Variants in RGS11 observed in about 807,000 individuals in gnomAD.
The protein encoded by RGS11 is regulator of G protein signaling 11.
RGS11 carries 86 observed loss-of-function variants against 71.1 expected under a neutral mutation model. The ratio of observed to expected loss-of-function variants is 1.21; its 90% confidence interval spans 1.02 to 1.45. The LOEUF (loss-of-function observed/expected upper bound fraction) is 1.45. RGS11 is among the 40% of genes most tolerant of loss of function. RGS11 has a pLI of 0.00. For missense variants in RGS11, 734 were observed against 635.1 expected (o/e 1.16, Z -1.67); for synonymous variants, 298 against 254.2 (o/e 1.17, Z -1.64).
chr16:273,666 G>C (rs928038203), intron 7 of RGS11, 94 bp downstream of exon 7: 2 of 1,517,082 alleles, frequency 1.3e-6, no homozygotes, highest in Non-Finnish European at 1.8e-6. Context: ...TGCCCTCCAC[G>C]GTCCCAGGGC....
chr16:270,175 G>C (rs2141402925), intron 15 of RGS11, among the ~76,000 whole-genome samples: 1 of 152,274 alleles, frequency 6.6e-6, no homozygotes, highest in Admixed American at 6.5e-5. Flanking sequence ...CGTGAACCCG[G>C]GAGGTGGAGC....
chr16:271,259 A>G lies in RGS11; in HGVS notation c.806T>C (p.Leu269Pro), dbSNP rs762855131. The G allele has an allele frequency of 1.2e-6, 2 of 1,612,948 alleles. No homozygotes were observed. The highest frequency in any genetic ancestry group is 2.2e-5 in the South Asian group (2 of 91,084). ...GTCTGAGATCCAGGGATTGCTGGGC[A>G]GGCACCCCGACACGAGGGGATCGTG... is the stretch of plus-strand genomic sequence containing the variant. ...GPHDPLVSGC[L>P]PSNPWISDND... Residue 269 changes from leucine to proline, a missense_variant, in exon 12 of 17, where the codon CTG becomes CCG. Physicochemically the swap from Leu to Pro is moderately conservative, Grantham distance 98. Coordinates refer to ENST00000397770, the MANE Select transcript of RGS11 (RefSeq NM_183337.3).
intron 9 of RGS11, chr16:271,911 A>C (rs917280668): frequency 5.8e-6 from 2 of 346,922 alleles, no homozygotes; most frequent in Admixed American, 9.0e-5. Flanking sequence ...ATCTCGGCTC[A>C]CCGCAACCTC....
intron 9 of RGS11, chr16:272,296 C>A: frequency 1.6e-6 from 2 of 1,273,252 alleles, no homozygotes; most frequent in Non-Finnish European, 2.0e-6. Context: ...CGAGTCCTGG[C>A]CTGTGTCCCC....
In RGS11 at chr16:274,994, C is replaced by T. The variant is rs200436574; in HGVS notation, c.300G>A (p.Glu100=). Residue 100 remains glutamate (E), a synonymous_variant, in exon 4 of 17, where the codon GAG becomes GAA. Transcript: ENST00000397770. ...GCCTGACCTGGAACCTGTAGGGCGTCTCGTCTGGCCGGAGCATGAGGCTAC... is the reference window on the plus strand; with the variant it reads ...GCCTGACCTGGAACCTGTAGGGCGTTTCGTCTGGCCGGAGCATGAGGCTAC... ...DPRSLMLRPD[E]TPYRFQTPYF... 488 of 1,538,702 alleles carry T rather than the reference C, an allele frequency of 3.2e-4. 1 individual carries two copies. The highest frequency in any genetic ancestry group is 3.1e-3 in the Middle Eastern group (18 of 5,894).
chr16:269,176 A>G lies in RGS11; in HGVS notation c.*93T>C. The G allele has an allele frequency of 1.9e-6, 2 of 1,038,786 alleles. No homozygotes were observed. Among genetic ancestry groups the G allele is most frequent in the Non-Finnish European group, 2.9e-6 (2 of 681,834 alleles). 64.3% of individuals were successfully genotyped at this position (1,038,786 alleles called of 1,614,324 possible). ...AGGGGACACTGGTGCTGGGTTCAGC[A>G]GCCCCCAGGACCTGGGCCAAGACGG... On this transcript the variant is annotated 3_prime_UTR_variant, in exon 17 of 17. Transcript: ENST00000397770.
At chr16:274,017 G>T (rs776642207) in intron 6 of RGS11, 26 bp downstream of exon 6, 2 of 1,533,694 alleles carry the variant, frequency 1.3e-6, no homozygotes, top group South Asian at 2.4e-5. Flanking sequence ...GTACCCAGCC[G>T]GGGCGGGAAG....
Position 270,845 on chromosome 16 carries a change from C to G in RGS11, c.980-14G>C, listed in dbSNP as rs759298893. 1 of 1,608,144 alleles carries G rather than the reference C, an allele frequency of 6.2e-7. No individual in the cohort carries two copies. The highest frequency in any genetic ancestry group is 1.1e-5 in the South Asian group (1 of 90,406). On this transcript the variant is annotated splice_polypyrimidine_tract_variant and intron_variant, in intron 13 of 16. Transcript: ENST00000397770. ...TGAGGTTTTCTCCTGGGGGGCCGGGCACCCAGTCAAGGATCCCATCGAGAG... is the reference window on the plus strand; with the variant it reads ...TGAGGTTTTCTCCTGGGGGGCCGGGGACCCAGTCAAGGATCCCATCGAGAG...
chr16:273,890 CTGTG>C, intron 6 of RGS11, 54 bp from the exon 7 acceptor site: 1 of 1,554,596 alleles, frequency 6.4e-7, no homozygotes, highest in Non-Finnish European at 8.9e-7. Flanking sequence ...CCCAGTGAGA[CTGTG>C]TGGGCAGTTG....
At position 274,246 on chromosome 16, in the gene RGS11, C is replaced by G; in HGVS notation, c.338G>C (p.Ser113Thr). The stretch of plus-strand genomic sequence containing the variant: ...CAGCTCTGCAGCCGGCCTCAGGGTA[C>G]TTGTCCAGAAGTACGGGGTCTGGCG... ...YRFQTPYFWT[S>T]TLRPAAELDY... The change falls in exon 5 of 17, where the codon AGT becomes ACT. Residue 113 changes from serine to threonine, a missense_variant. Coordinates refer to ENST00000397770, the MANE Select transcript of RGS11 (RefSeq NM_183337.3). 1 of 1,611,278 alleles carries G rather than the reference C, an allele frequency of 6.2e-7. No homozygotes were observed. The highest frequency in any genetic ancestry group is 8.5e-7 in the Non-Finnish European group (1 of 1,179,042).
chr16:269,233 G>T lies in RGS11; in HGVS notation c.*36C>A. The T allele has an allele frequency of 7.1e-7, 1 of 1,407,672 alleles. No homozygotes were observed. Among genetic ancestry groups the T allele is most frequent in the Non-Finnish European group, 9.8e-7 (1 of 1,017,124 alleles). 87.2% of individuals were successfully genotyped at this position (1,407,672 alleles called of 1,614,324 possible). On this transcript the variant is annotated 3_prime_UTR_variant, in exon 17 of 17. Transcript: ENST00000397770. ...CTGCTGCATTCACGCAGGACGTTGAGCTGCAGGGACTAGAGTGGCAGATGG... is the reference window on the plus strand; with the variant it reads ...CTGCTGCATTCACGCAGGACGTTGATCTGCAGGGACTAGAGTGGCAGATGG...
chr16:272,433 T>C, intron 9 of RGS11: 2 of 1,305,254 alleles, frequency 1.5e-6, no homozygotes, highest in Non-Finnish European at 2.0e-6. Context: ...ACAAAGGGTT[T>C]TGCTGCTGCG....
chr16:269,540 G>A lies in RGS11; in HGVS notation c.1252C>T (p.Leu418=), dbSNP rs748491669. The A allele has an allele frequency of 1.2e-6, 2 of 1,613,446 alleles. No individual in the cohort carries two copies. Among genetic ancestry groups the A allele is most frequent in the East Asian group, 2.2e-5 (1 of 44,874 alleles). ...TCCAGCGGGATCCCAGCCTCTGCCA[G>A]GAGGGCCTTGTACATGTCAGACTTC... ...FLKSDMYKAL[L]AEAGIPLEMK... Residue 418 remains leucine (L), a synonymous_variant, in exon 16 of 17, where the codon CTG becomes TTG. Transcript: ENST00000397770.
rs139192549 is a variant in RGS11 at position 270,782 on chromosome 16, C to T, written c.1029G>A (p.Ala343=). The change falls in exon 14 of 17, where the codon GCG becomes GCA. Residue 343 remains alanine, a synonymous_variant. Coordinates refer to ENST00000397770, the MANE Select transcript of RGS11 (RefSeq NM_183337.3). ...CCACCAGGGTGGGGACCTGGGCCTG[C>T]GCTCCATATCGAAGCTCCTCACATG... ...WEACEELRYG[A]QAQVPTLVDA... 3.3e-5 allele frequency: 53 copies of T among 1,612,388 alleles called. No homozygotes were observed. The highest frequency in any genetic ancestry group is 1.5e-4 in the African/African-American group (11 of 74,910).
chr16:271,231 A>AT lies in RGS11; in HGVS notation c.833dup (p.Asn278LysfsTer2), dbSNP rs758850370. 5.7e-5 allele frequency: 92 copies of AT among 1,612,806 alleles called. No individual in the cohort carries two copies. Among genetic ancestry groups the AT allele is most frequent in the Non-Finnish European group, 7.5e-5 (89 of 1,179,984 alleles). ...GGGCATTCATGACCCAGTAGGCGTC[A>AT]TTGTCTGAGATCCAGGGATTGCTGG... On this transcript the variant is annotated frameshift_variant, in exon 12 of 17. Transcript: ENST00000397770. LOFTEE classifies it high-confidence loss of function.
At chr16:274,496 G>C in intron 4 of RGS11, 3 of 605,092 alleles carry the variant, frequency 5.0e-6, no homozygotes, top group Non-Finnish European at 8.8e-6. Context: ...TCCCTCACTG[G>C]TCACCCTAAG....
At position 270,921 on chromosome 16, in the gene RGS11, C is replaced by T. The variant is rs112218851; in HGVS notation, c.979+63G>A. On this transcript the variant is annotated intron_variant, in intron 13 of 16. Coordinates refer to ENST00000397770, the MANE Select transcript of RGS11 (RefSeq NM_183337.3). ...CCCAGGGAGCTGGTGGAAACCGAGG[C>T]GGGAGGGGTCCCAGGCAGCAGCCTC... The T allele has an allele frequency of 6.0e-4, 945 of 1,564,524 alleles. 3 individuals are homozygous for T. In the African/African-American group the frequency reaches 0.011, roughly 19 times the overall value.
chr16:274,036 G>A lies in RGS11; in HGVS notation c.429+7C>T. 2 of 1,547,966 alleles carry A rather than the reference G, an allele frequency of 1.3e-6. No homozygotes were observed. Among genetic ancestry groups the A allele is most frequent in the South Asian group, 1.2e-5 (1 of 84,248 alleles). ...CCAGCCGGGGCGGGAAGGGTGGGGG[G>A]TCCCACCTTCTCATAATCCACCAGG... On this transcript the variant is annotated splice_region_variant and intron_variant, in intron 6 of 16. Coordinates refer to ENST00000397770, the MANE Select transcript of RGS11 (RefSeq NM_183337.3).
chr16:269,595 A>G lies in RGS11; in HGVS notation c.1207-10T>C, dbSNP rs2051823121. On this transcript the variant is annotated splice_polypyrimidine_tract_variant and intron_variant, in intron 15 of 16. Coordinates refer to ENST00000397770, the MANE Select transcript of RGS11 (RefSeq NM_183337.3). Reference sequence around the variant, plus strand: ...ACCTTGGGTAGGAGTCCTACAAGAGACAGCGTCCAGCCCCTGACCCTTCTG... The same window carrying G: ...ACCTTGGGTAGGAGTCCTACAAGAGGCAGCGTCCAGCCCCTGACCCTTCTG... The G allele has an allele frequency of 1.2e-6, 2 of 1,608,456 alleles. No individual in the cohort carries two copies. The highest frequency in any genetic ancestry group is 1.7e-6 in the Non-Finnish European group (2 of 1,175,678).
Sources: gnomAD v4.1 joint callset for allele counts (sites outside exome capture counted in the v4.1 genomes callset) on GRCh38, gnomAD v4.1.1 for gene constraint, MANE v1.5 for transcripts, NCBI Gene and HGNC (gene_info 2026-07-23, HGNC 2026-07-21) for gene names.